The following MGAT4C variants were observed in gnomAD, a reference collection of about 807,000 sequenced individuals.
MGAT4C encodes MGAT4 family member C, also known as alpha-1,3-mannosyl-glycoprotein 4-beta-N-acetylglucosaminyltransferase C.
A neutral mutation model predicts 40.1 loss-of-function variants in MGAT4C; 19 were observed. The ratio of observed to expected loss-of-function variants is 0.47; its 90% CI spans 0.33 to 0.70. The LOEUF (loss-of-function observed/expected upper bound fraction) is 0.70. Ranked by LOEUF, MGAT4C falls within the 30% of genes least tolerant of loss-of-function variation. The pLI is 0.02. For missense variants in MGAT4C, 491 were observed against 563.2 expected (o/e 0.87, Z 1.30); for synonymous variants, 181 against 187.1 (o/e 0.97, Z 0.27).
At chr12:85,985,957 A>T (rs1440591658) in intron 3 of MGAT4C, among the ~76,000 whole-genome samples, 2 of 152,190 alleles carry the variant, frequency 1.3e-5, no homozygotes, top group African/African-American at 4.8e-5. Context: ...ATTCTAAGGT[A>T]AGTGCAGGAT....
At chr12:86,097,028 G>C (rs1874059509) in intron 1 of MGAT4C, among the ~76,000 whole-genome samples, 1 of 151,504 alleles carries the variant, frequency 6.6e-6, no homozygotes, top group African/African-American at 2.4e-5. Flanking sequence ...GTATGTCCAT[G>C]AAGCATACAT....
chr12:86,589,494 T>C (rs1463689352), intron 2 of MGAT4C, among the ~76,000 whole-genome samples: 10 of 151,814 alleles, frequency 6.6e-5, no homozygotes, highest in Non-Finnish European at 1.3e-4. Flanking sequence ...ACTGGTACCA[T>C]TCCTTCTGAA....
At chr12:86,388,194 G>T (rs994504795) in intron 3 of MGAT4C, among the ~76,000 whole-genome samples, 7 of 152,092 alleles carry the variant, frequency 4.6e-5, no homozygotes, top group African/African-American at 1.7e-4. Context: ...AAGATGTGAA[G>T]AAAATTAGAA....
At chr12:86,782,106 C>T (rs1472738316) in intron 1 of MGAT4C, among the ~76,000 whole-genome samples, 1 of 151,158 alleles carries the variant, frequency 6.6e-6, no homozygotes, top group Non-Finnish European at 1.5e-5. Context: ...CATTCTCCTG[C>T]CTCAGCCTTC....
At chr12:86,835,799 C>T (rs991086242) in intron 1 of MGAT4C, among the ~76,000 whole-genome samples, 2 of 151,754 alleles carry the variant, frequency 1.3e-5, no homozygotes, top group African/African-American at 4.8e-5. Flanking sequence ...ATTTTTATTA[C>T]TGAAACTGCA....
At chr12:86,011,828 T>C in intron 2 of MGAT4C, 4 of 985,030 alleles carry the variant, frequency 4.1e-6, no homozygotes, top group Non-Finnish European at 4.8e-6. Flanking sequence ...AGTGTTAAAG[T>C]AAAACTTTGG....
chr12:86,166,303 AG>A (rs1336821103), intron 1 of MGAT4C, among the ~76,000 whole-genome samples: 2 of 152,216 alleles, frequency 1.3e-5, no homozygotes, highest in African/African-American at 4.8e-5. Flanking sequence ...AGAATTTCCA[AG>A]GTTGAATTTT....
intron 2 of MGAT4C, among the ~76,000 whole-genome samples, chr12:86,522,852 T>G (rs1464214662): frequency 6.6e-6 from 1 of 152,150 alleles, no homozygotes; most frequent in African/African-American, 2.4e-5. Context: ...TGTCCAGGAA[T>G]TTAATCATTT....
chr12:86,603,723 A>G (rs1255935068), intron 2 of MGAT4C, among the ~76,000 whole-genome samples: 1 of 132,920 alleles, frequency 7.5e-6, no homozygotes, highest in Non-Finnish European at 1.6e-5. Context: ...TAGACTATAT[A>G]CTATATAATT....
intron 2 of MGAT4C, among the ~76,000 whole-genome samples, chr12:86,493,365 C>G (rs1375251161): frequency 6.6e-6 from 1 of 152,040 alleles, no homozygotes; most frequent in Non-Finnish European, 1.5e-5. Context: ...TATTGCGGCA[C>G]TATTCACAAT....
At position 86,453,138 on chromosome 12, in the gene MGAT4C, CAA is replaced by C. The variant is rs143891917; in HGVS notation, c.-228-17875_-228-17874del. Among the ~76,000 whole-genome samples the C allele has an allele frequency of 3.8e-4, 58 of 152,192 alleles. 1 individual carries two copies. The highest frequency in any genetic ancestry group is 1.9e-3 in the South Asian group (9 of 4,830). ...TTTAAATGAGAATGAATATGCCACT[CAA>C]AGTGTATATTTAAATCATAGTTAAG... On this transcript the variant is annotated intron_variant, in intron 2 of 7. Coordinates refer to the MGAT4C transcript ENST00000548651.
Position 86,158,260 on chromosome 12 carries a change from ATAGCC to A in MGAT4C, c.-57+97974_-57+97978del, listed in dbSNP as rs1198190024. ...TCTATGTCCTACATATCATAAATCC[ATAGCC>A]TAAATCTTACTAGAACTCTAAAAAT... On this transcript the variant is annotated intron_variant, in intron 1 of 4. Coordinates refer to ENST00000611864, the MANE Select transcript of MGAT4C (RefSeq NM_001351288.2). Among the ~76,000 whole-genome samples the A allele has an allele frequency of 2.6e-5, 4 of 152,158 alleles. No homozygotes were observed. In the East Asian group the frequency reaches 7.7e-4, roughly 29 times the overall value.
chr12:86,707,548 T>C (rs1950482534), intron 2 of MGAT4C, among the ~76,000 whole-genome samples: 1 of 151,222 alleles, frequency 6.6e-6, no homozygotes, highest in Admixed American at 6.6e-5. Context: ...TTTTTTTAAT[T>C]GAGGTGGAGT....
rs1304830158 is a variant in MGAT4C at position 85,989,487 on chromosome 12, C to T, written c.60G>A (p.Leu20=). 1 of 1,606,150 alleles carries T rather than the reference C, an allele frequency of 6.2e-7. No individual in the cohort carries two copies. The change falls in exon 3 of 5, where the codon CTG becomes CTA. Residue 20 remains leucine (L), a synonymous_variant. Transcript: ENST00000611864. ...AGAATGACACTGTAGAACGTTTTCT[C>T]AGGCATCTCATTTTATCAAGTATTT... is the stretch of plus-strand genomic sequence containing the variant. The part of the protein sequence containing the change: ...IFEILDKMRC[L]RKRSTVSFLG...
At chr12:86,750,560 T>C (rs1048214782) in intron 1 of MGAT4C, among the ~76,000 whole-genome samples, 53 of 151,792 alleles carry the variant, frequency 3.5e-4, no homozygotes, top group African/African-American at 1.2e-3. Context: ...CAGAAAAAGA[T>C]CCCAGATAAC....
intron 2 of MGAT4C, among the ~76,000 whole-genome samples, chr12:86,479,634 G>A (rs927988147): frequency 6.6e-6 from 1 of 151,916 alleles, no homozygotes; most frequent in Non-Finnish European, 1.5e-5. Flanking sequence ...AGAAAGATCA[G>A]TGAATGACTA....
chr12:86,035,312 G>A (rs1349508278), intron 2 of MGAT4C, among the ~76,000 whole-genome samples: 1 of 150,080 alleles, frequency 6.7e-6, no homozygotes, highest in Non-Finnish European at 1.5e-5. Context: ...GTTTTGCTTT[G>A]CATTTCTCTA....
intron 3 of MGAT4C, among the ~76,000 whole-genome samples, chr12:86,364,073 T>G (rs542069987): frequency 6.6e-6 from 1 of 151,966 alleles, no homozygotes; most frequent in East Asian, 1.9e-4. Context: ...TAGTTAAGTA[T>G]CCTCCAAGAA....
intron 2 of MGAT4C, among the ~76,000 whole-genome samples, chr12:85,998,622 A>C (rs1207274921): frequency 6.6e-6 from 1 of 152,150 alleles, no homozygotes; most frequent in East Asian, 1.9e-4. Context: ...TCTCTAAGGC[A>C]GGGATAAAAT....
Sources: allele counts gnomAD v4.1 joint callset (sites outside exome capture counted in the v4.1 genomes callset), GRCh38; gene constraint gnomAD v4.1.1; transcripts MANE v1.5; gene names NCBI Gene and HGNC (gene_info 2026-07-23, HGNC 2026-07-21).